The following ANKRD13D variants were observed in gnomAD, a reference collection of about 807,000 sequenced individuals.
ANKRD13D encodes the protein ankyrin repeat domain 13D.
Under a neutral mutation model 68.8 loss-of-function variants are expected in ANKRD13D, and 24 were observed. That is an observed-to-expected ratio of 0.35 (90% CI 0.25 to 0.49). The LOEUF is 0.49. ANKRD13D is among the 20% of genes least tolerant of loss of function. The pLI, the probability that ANKRD13D is intolerant of heterozygous loss-of-function variation, is 0.99. For synonymous variants in ANKRD13D, 331 were observed against 336.1 expected, an observed-to-expected ratio of 0.98 and a Z score of 0.16; for missense variants, 735 against 832.1, an observed-to-expected ratio of 0.88 and a Z score of 1.44.
rs577872544 is a variant in ANKRD13D, at chr11:67,301,690, C to T, written c.1512+39C>T. ...AGGGGGTGGGCTCTGGCCTCTGCAG[C>T]CACACGGCAGAAGTGACAGCTGTGG... On this transcript the variant is annotated intron_variant, in intron 13 of 14. Transcript: ENST00000511455. This position sits in a 1 kb window ranked among gnomAD's most constrained non-coding sequence, Gnocchi z 4.5. 2 of 1,610,646 alleles carry T rather than the reference C, an allele frequency of 1.2e-6. No homozygotes were observed. The highest frequency in any genetic ancestry group is 1.1e-5 in the South Asian group (1 of 90,908).
At chr11:67,293,513 T>C (rs955743184) in intron 6 of ANKRD13D, among the ~76,000 whole-genome samples, 3 of 152,184 alleles carry the variant, frequency 2.0e-5, no homozygotes, top group Non-Finnish European at 4.4e-5. Context: ...AATTAACTTA[T>C]TTATTTTGAG....
chr11:67,296,725 GC>G (rs1860769448), intron 6 of ANKRD13D, among the ~76,000 whole-genome samples: 1 of 152,168 alleles, frequency 6.6e-6, no homozygotes, highest in African/African-American at 2.4e-5. Context: ...GAACTCCTGG[GC>G]TTAGGTGATT....
chr11:67,297,589 G>T (rs908657439), intron 6 of ANKRD13D, among the ~76,000 whole-genome samples: 3 of 147,942 alleles, frequency 2.0e-5, no homozygotes, highest in African/African-American at 7.5e-5. Context: ...GCAGTGGCAC[G>T]ATCTCGGCTT....
Position 67,299,958 on chromosome 11 carries a change from C to T in ANKRD13D, c.943-35C>T. 6.3e-7 allele frequency: 1 copy of T among 1,595,162 alleles called. No homozygotes were observed. Among genetic ancestry groups the T allele is most frequent in the Non-Finnish European group, 8.6e-7 (1 of 1,168,488 alleles). ...CTGGGCGGGAGGGCACCCTCTGTCA[C>T]CTTGATGGCTGAGTCCGCCCTGGGA... On this transcript the variant is annotated intron_variant, in intron 9 of 14. Coordinates refer to ENST00000511455, the MANE Select transcript of ANKRD13D (RefSeq NM_207354.3). The surrounding 1 kb of genome is among the most constrained non-coding windows in gnomAD (Gnocchi z 6.2).
rs774937401 is a variant in ANKRD13D, at chr11:67,299,801, TACCAG to T, written c.881-25_881-21del. On this transcript the variant is annotated intron_variant, in intron 8 of 14. Coordinates refer to ENST00000511455, the MANE Select transcript of ANKRD13D (RefSeq NM_207354.3). This position sits in a 1 kb window ranked among gnomAD's most constrained non-coding sequence, Gnocchi z 6.2. The stretch of plus-strand genomic sequence containing the variant: ...GGGCGATGCGAGCATTGTGACCCCT[TACCAG>T]CTCCCACCCCTTCTCCGTAGCGGGG... 1.3e-6 allele frequency: 2 copies of T among 1,533,846 alleles called. No individual in the cohort carries two copies.
rs1027200568 is a variant in ANKRD13D, at chr11:67,300,599, G to A, written c.1074-391G>A. 7 of 400,804 alleles carry A rather than the reference G, an allele frequency of 1.7e-5. No individual in the cohort carries two copies. The highest frequency in any genetic ancestry group is 6.1e-5 in the African/African-American group (3 of 49,032). 24.8% of individuals were successfully genotyped at this position (400,804 alleles called of 1,614,324 possible). ...AGCCACCCAACAGTCGCTGGGATTCGAACCCTGGCAGTCTTGCCCTGGGGT... is the reference window on the plus strand; with the variant it reads ...AGCCACCCAACAGTCGCTGGGATTCAAACCCTGGCAGTCTTGCCCTGGGGT... On this transcript the variant is annotated intron_variant, in intron 10 of 14. Transcript: ENST00000511455. The surrounding 1 kb of genome is among the most constrained non-coding windows in gnomAD (Gnocchi z 4.3).
chr11:67,289,831 T>C (rs1860459001), intron 1 of ANKRD13D: 2 of 1,422,830 alleles, frequency 1.4e-6, no homozygotes, highest in Non-Finnish European at 1.8e-6. Context: ...GTCCCCAGGT[T>C]CCGCCAAACT....
intron 6 of ANKRD13D, among the ~76,000 whole-genome samples, chr11:67,297,679 C>T (rs902294687): frequency 7.2e-5 from 11 of 152,002 alleles, no homozygotes; most frequent in African/African-American, 2.7e-4. Flanking sequence ...GCGCCTGCCA[C>T]CACGCCCGGC....
chr11:67,297,582 G>A (rs1860805698), intron 6 of ANKRD13D, among the ~76,000 whole-genome samples: 1 of 148,170 alleles, frequency 6.7e-6, no homozygotes, highest in Admixed American at 6.9e-5. Flanking sequence ...CTGGAGTGCA[G>A]TGGCACGATC....
intron 6 of ANKRD13D, among the ~76,000 whole-genome samples, chr11:67,296,072 C>CT (rs1860746218): frequency 6.6e-6 from 1 of 152,128 alleles, no homozygotes; most frequent in Non-Finnish European, 1.5e-5. Flanking sequence ...ATAAGTTCCA[C>CT]TTGGTTGTGG....
chr11:67,294,972 T>G (rs1860705850), intron 6 of ANKRD13D, among the ~76,000 whole-genome samples: 1 of 152,240 alleles, frequency 6.6e-6, no homozygotes, highest in Non-Finnish European at 1.5e-5. Flanking sequence ...AGATTTTTAG[T>G]GGATTCCTTT....
At position 67,302,270 on chromosome 11, in the gene ANKRD13D, C is replaced by A. The variant is rs747290839; in HGVS notation, c.1756C>A (p.Arg586Ser). The stretch of plus-strand genomic sequence containing the variant: ...ACGGGAGCAGGAGGAGCGGGAGCGG[C>A]GCGGGCAGCAGGAGGAGGAGGACTT... ...SSREQEERER[R>S]GQQEEEDLQR... Residue 586 changes from arginine (R) to serine (S), a missense_variant, in exon 15 of 15, where the codon CGC becomes AGC. Physicochemically the swap from Arg to Ser is moderately radical, Grantham distance 110. Transcript: ENST00000511455. 1.3e-6 allele frequency: 2 copies of A among 1,568,608 alleles called. No individual in the cohort carries two copies. The highest frequency in any genetic ancestry group is 2.3e-5 in the East Asian group (1 of 42,778).
chr11:67,300,285 C>A lies in ANKRD13D; in HGVS notation c.1073+162C>A. 1 of 1,031,216 alleles carries A rather than the reference C, an allele frequency of 9.7e-7. No homozygotes were observed. The highest frequency in any genetic ancestry group is 1.4e-6 in the Non-Finnish European group (1 of 732,142). 63.9% of individuals were successfully genotyped at this position (1,031,216 alleles called of 1,614,324 possible). A position where few individuals can be genotyped will look rare whatever the true frequency, so the allele number is the denominator to read the frequency against. ...TGTCTGCCTTATCCATGGTCCTCAG[C>A]CCTTAGCAAGGGGCTTGGCACAGAA... is the stretch of plus-strand genomic sequence containing the variant. On this transcript the variant is annotated intron_variant, in intron 10 of 14. Transcript: ENST00000511455. This position sits in a 1 kb window ranked among gnomAD's most constrained non-coding sequence, Gnocchi z 4.3.
In ANKRD13D at chr11:67,298,859, T is replaced by A. The variant is rs77908999; in HGVS notation, c.732-199T>A. 6.1e-3 allele frequency: 3,684 copies of A among 602,200 alleles called. 95 individuals carry two copies. In the African/African-American group the frequency reaches 0.061, roughly 10 times the overall value. 37.3% of individuals were successfully genotyped at this position (602,200 alleles called of 1,614,324 possible). A position where few individuals can be genotyped will look rare whatever the true frequency, so the allele number is the denominator to read the frequency against. ...CAAGATTCATGCTAATTCCTCAGTG[T>A]CTTCTAGTCCCAAGTCCATGCTCAA... On this transcript the variant is annotated intron_variant, in intron 6 of 14. Transcript: ENST00000511455.
In ANKRD13D at chr11:67,290,310, T is replaced by C; in HGVS notation, c.227-12T>C. 4 of 1,549,124 alleles carry C rather than the reference T, an allele frequency of 2.6e-6. No individual in the cohort carries two copies. The highest frequency in any genetic ancestry group is 3.5e-6 in the Non-Finnish European group (4 of 1,145,894). On this transcript the variant is annotated splice_polypyrimidine_tract_variant and intron_variant, in intron 2 of 14. Transcript: ENST00000511455. Reference sequence around the variant, plus strand: ...ATCTGGAGGGCTCCCCTCAGCAGCCTGGTGCCCGCAGTCCTGCAGGAGGCA... The same window carrying C: ...ATCTGGAGGGCTCCCCTCAGCAGCCCGGTGCCCGCAGTCCTGCAGGAGGCA...
Position 67,300,499 on chromosome 11 carries a change from G to C in ANKRD13D, c.1073+376G>C, listed in dbSNP as rs932593232. ...CTTGCCTCGTGAGGAGCCTTGAGCA[G>C]GTATAGGCGGTAACAGCAGGCACAG... is the stretch of plus-strand genomic sequence containing the variant. On this transcript the variant is annotated intron_variant, in intron 10 of 14. Transcript: ENST00000511455. The surrounding 1 kb of genome is among the most constrained non-coding windows in gnomAD (Gnocchi z 4.3). 3.0e-6 allele frequency: 1 copy of C among 330,934 alleles called. No homozygotes were observed. The highest frequency in any genetic ancestry group is 4.9e-5 in the South Asian group (1 of 20,234). The allele number at this position is 330,934 out of a possible 1,614,324, so 20.5% of individuals were successfully genotyped here.
chr11:67,302,189 G>C lies in ANKRD13D; in HGVS notation c.1675G>C (p.Ala559Pro), dbSNP rs1175882465. The change falls in exon 15 of 15, where the codon GCC becomes CCC. Residue 559 changes from alanine to proline, a missense_variant. Coordinates refer to ENST00000511455, the MANE Select transcript of ANKRD13D (RefSeq NM_207354.3). ...AGGATCCCCTCCCAGGACACCCCCA[G>C]CCCCCGGTCCACCCAGCTTTGAAGA... ...GPGSPPRTPPAPGPPSFEEQL... is the reference protein window; with the variant it reads ...GPGSPPRTPPPPGPPSFEEQL... 9.4e-6 allele frequency: 15 copies of C among 1,593,592 alleles called. No homozygotes were observed. Among genetic ancestry groups the C allele is most frequent in the Non-Finnish European group, 1.3e-5 (15 of 1,170,850 alleles).
Position 67,301,860 on chromosome 11 carries a change from C to T in ANKRD13D, c.1604+37C>T. 1 of 1,550,400 alleles carries T rather than the reference C, an allele frequency of 6.4e-7. No individual in the cohort carries two copies. The highest frequency in any genetic ancestry group is 8.7e-7 in the Non-Finnish European group (1 of 1,146,480). On this transcript the variant is annotated intron_variant, in intron 14 of 14. Coordinates refer to ENST00000511455, the MANE Select transcript of ANKRD13D (RefSeq NM_207354.3). The surrounding 1 kb of genome is among the most constrained non-coding windows in gnomAD (Gnocchi z 4.5). The stretch of plus-strand genomic sequence containing the variant: ...ATGGGGCTGGCTGGGTCCCTGTCCC[C>T]CCAGCCCTGGCTTGGCGGGGAGGGG...
chr11:67,291,917 A>C (rs1277248950), intron 5 of ANKRD13D, 74 bp from the exon 6 acceptor site: 3 of 1,521,482 alleles, frequency 2.0e-6, no homozygotes, highest in East Asian at 4.6e-5. Flanking sequence ...CTGAGGGTAC[A>C]TGATCGCCCT....
Sources: gnomAD v4.1 joint callset for allele counts (sites outside exome capture counted in the v4.1 genomes callset) on GRCh38, gnomAD v4.1.1 for gene constraint, Gnocchi (gnomAD v3.1) non-coding constraint, MANE v1.5 for transcripts, NCBI Gene and HGNC (gene_info 2026-07-23, HGNC 2026-07-21) for gene names.